Variants in PTPRD observed in about 807,000 individuals in gnomAD.
PTPRD encodes the protein protein tyrosine phosphatase receptor type D, also known as receptor-type tyrosine-protein phosphatase delta.
PTPRD carries 34 observed loss-of-function variants against 214.5 expected under a neutral mutation model. The ratio of observed to expected loss-of-function variants is 0.16; its 90% CI spans 0.12 to 0.21. The LOEUF (loss-of-function observed/expected upper bound fraction) is 0.21. Among genes scored for constraint, PTPRD ranks in the 10% least tolerant of loss-of-function variants. PTPRD has a pLI of 1.00. For missense variants in PTPRD, 2,545 were observed against 2,398.7 expected, an observed-to-expected ratio of 1.06 and a Z score of -1.27; for synonymous variants, 1,128 against 845.7, an observed-to-expected ratio of 1.33 and a Z score of -5.79.
In PTPRD at chr9:9,559,824, C is replaced by T. The variant is rs537036001; in HGVS notation, c.-237+14908G>A. ...GAAAAACATCCACCCTCAGAATATCCTCAGGCATGGGAGAGACATAAGCGG... is the reference window on the plus strand; with the variant it reads ...GAAAAACATCCACCCTCAGAATATCTTCAGGCATGGGAGAGACATAAGCGG... On this transcript the variant is annotated intron_variant, in intron 8 of 45. Coordinates refer to ENST00000381196, the MANE Select transcript of PTPRD (RefSeq NM_002839.4). Among the ~76,000 whole-genome samples, 4 of 152,260 alleles carry T rather than the reference C, an allele frequency of 2.6e-5. No homozygotes were observed. The South Asian group carries it at 8.3e-4, about 32-fold the overall frequency.
chr9:10,502,012 C>T (rs888470482), intron 2 of PTPRD, among the ~76,000 whole-genome samples: 7 of 151,678 alleles, frequency 4.6e-5, no homozygotes, highest in African/African-American at 1.7e-4. Flanking sequence ...AGTTGAGAAC[C>T]ACTGCTATAT....
chr9:10,433,748 G>A (rs901273660), intron 2 of PTPRD, among the ~76,000 whole-genome samples: 1 of 151,816 alleles, frequency 6.6e-6, no homozygotes, highest in Admixed American at 6.6e-5. Context: ...GGAGATGACA[G>A]CTATATTTTT....
At chr9:10,006,042 A>G (rs971392261) in intron 4 of PTPRD, among the ~76,000 whole-genome samples, 2 of 152,066 alleles carry the variant, frequency 1.3e-5, no homozygotes, top group Non-Finnish European at 2.9e-5. Flanking sequence ...ACATATGCAA[A>G]TATATGATGG....
At chr9:8,342,701 T>A (rs552902962) in intron 39 of PTPRD, among the ~76,000 whole-genome samples, 11 of 152,218 alleles carry the variant, frequency 7.2e-5, no homozygotes, top group African/African-American at 1.9e-4. Flanking sequence ...CATCCCTCAT[T>A]GATCTGTCCA....
intron 4 of PTPRD, among the ~76,000 whole-genome samples, chr9:9,958,749 T>G (rs1485978004): frequency 6.6e-6 from 1 of 152,186 alleles, no homozygotes; most frequent in Non-Finnish European, 1.5e-5. Flanking sequence ...TCTGGACAGA[T>G]ACTTCAAAGA....
At chr9:8,428,132 G>A (rs1429752360) in intron 35 of PTPRD, among the ~76,000 whole-genome samples, 2 of 152,300 alleles carry the variant, frequency 1.3e-5, no homozygotes, top group East Asian at 3.9e-4. Context: ...TGAGCCAAGG[G>A]CCTGTATACT....
At chr9:9,638,155 T>G (rs940311403) in intron 7 of PTPRD, among the ~76,000 whole-genome samples, 2 of 152,234 alleles carry the variant, frequency 1.3e-5, no homozygotes, top group Non-Finnish European at 2.9e-5. Context: ...CTCAAAATAC[T>G]GCTTTATTCT....
chr9:10,484,411 C>A (rs2099119365), intron 2 of PTPRD, among the ~76,000 whole-genome samples: 1 of 151,862 alleles, frequency 6.6e-6, no homozygotes, highest in Admixed American at 6.6e-5. Flanking sequence ...TCTATGTAAC[C>A]AAAAACCACT....
chr9:9,221,451 T>A (rs1026203466), intron 9 of PTPRD, among the ~76,000 whole-genome samples: 1 of 152,048 alleles, frequency 6.6e-6, no homozygotes, highest in Non-Finnish European at 1.5e-5. Flanking sequence ...CTGAATGGCT[T>A]AAAGGACAGA....
At chr9:9,129,162 G>C (rs181892677) in intron 10 of PTPRD, among the ~76,000 whole-genome samples, 15 of 152,280 alleles carry the variant, frequency 9.9e-5, no homozygotes, top group African/African-American at 3.4e-4. Flanking sequence ...GGCCGAGGCG[G>C]GTTGATCACC....
At chr9:8,752,869 T>G (rs1310112931) in intron 11 of PTPRD, among the ~76,000 whole-genome samples, 1 of 152,178 alleles carries the variant, frequency 6.6e-6, no homozygotes, top group Admixed American at 6.5e-5. Context: ...GATAATTAAG[T>G]GGGTACTGGG....
chr9:8,550,370 A>C (rs1350293652), intron 14 of PTPRD, among the ~76,000 whole-genome samples: 1 of 152,192 alleles, frequency 6.6e-6, no homozygotes, highest in Non-Finnish European at 1.5e-5. Context: ...ATACTTTAAA[A>C]ATTTACTATT....
At chr9:8,677,931 C>T (rs752100504) in intron 12 of PTPRD, among the ~76,000 whole-genome samples, 1 of 152,008 alleles carries the variant, frequency 6.6e-6, no homozygotes, top group Non-Finnish European at 1.5e-5. Flanking sequence ...GGTCTTGGTG[C>T]CTTTTGTATC....
At chr9:9,340,646 G>C (rs898657174) in intron 9 of PTPRD, among the ~76,000 whole-genome samples, 3 of 152,192 alleles carry the variant, frequency 2.0e-5, no homozygotes, top group African/African-American at 4.8e-5. Flanking sequence ...GAACTAAAGA[G>C]CTATGAATTG....
At chr9:10,208,493 G>A (rs553823325) in intron 3 of PTPRD, among the ~76,000 whole-genome samples, 8 of 152,208 alleles carry the variant, frequency 5.3e-5, no homozygotes, top group South Asian at 2.1e-4. Context: ...CAGCCTGGGC[G>A]ACAGAGCGAG....
At chr9:8,735,883 G>C (rs1165561811) in intron 11 of PTPRD, among the ~76,000 whole-genome samples, 1 of 137,238 alleles carries the variant, frequency 7.3e-6, no homozygotes, top group Admixed American at 7.8e-5. Flanking sequence ...CTGCACTCCA[G>C]TCTGGGTGAC....
chr9:9,984,136 AT>A lies in PTPRD; in HGVS notation c.-471-45527del, dbSNP rs147930003. Among the ~76,000 whole-genome samples the A allele has an allele frequency of 8.0e-3, 1,220 of 152,284 alleles. 23 individuals carry two copies. The highest frequency in any genetic ancestry group is 0.026 in the African/African-American group (1,061 of 41,552). ...TACAAAAAATTTTAAATATAAGTGA[AT>A]AAAAATAATAAAATAGCATTCATTA... is the stretch of plus-strand genomic sequence containing the variant. On this transcript the variant is annotated intron_variant, in intron 4 of 45. Coordinates refer to ENST00000381196, the MANE Select transcript of PTPRD (RefSeq NM_002839.4).
chr9:9,737,758 C>T (rs2098325938), intron 6 of PTPRD, among the ~76,000 whole-genome samples: 1 of 152,136 alleles, frequency 6.6e-6, no homozygotes, highest in African/African-American at 2.4e-5. Context: ...TTTAGGTTTT[C>T]ATTTTTTTGC....
chr9:9,494,691 T>G (rs1050949230), intron 8 of PTPRD, among the ~76,000 whole-genome samples: 3 of 152,214 alleles, frequency 2.0e-5, no homozygotes, highest in Non-Finnish European at 4.4e-5. Flanking sequence ...GAAATATGCC[T>G]CATGTTAATG....
Sources: gnomAD v4.1 joint callset for allele counts (sites outside exome capture counted in the v4.1 genomes callset) on GRCh38, gnomAD v4.1.1 for gene constraint, MANE v1.5 for transcripts, NCBI Gene and HGNC (gene_info 2026-07-23, HGNC 2026-07-21) for gene names.